Variants in MYO6 observed in about 807,000 individuals in gnomAD.
The protein encoded by MYO6 is myosin VI.
In MYO6, 74 loss-of-function variants were observed where a neutral mutation model predicts 178.7. The observed-to-expected ratio is 0.41, with a 90% CI of 0.34 to 0.50. MYO6 has a LOEUF of 0.50. Ranked by LOEUF, MYO6 falls within the 20% of genes least tolerant of loss-of-function variation. The pLI, the probability that MYO6 is intolerant of heterozygous loss-of-function variation, is 0.09. For synonymous variants in MYO6, 477 were observed against 504.6 expected, an observed-to-expected ratio of 0.95 and a Z score of 0.73; for missense variants, 1,330 against 1,547.4, an observed-to-expected ratio of 0.86 and a Z score of 2.36.
Position 75,828,620 on chromosome 6 carries a change from A to G in MYO6, c.261+7A>G, listed in dbSNP as rs1772736185. ...TAGTAAAGACAGAATTTATGTAAGT[A>G]TTTTACCTGTAGTGTAAGTTTTTGT... On this transcript the variant is annotated splice_region_variant and intron_variant, in intron 4 of 34. Coordinates refer to ENST00000369977, the MANE Select transcript of MYO6 (RefSeq NM_004999.4). 6.6e-7 allele frequency: 1 copy of G among 1,512,888 alleles called. No homozygotes were observed. Among genetic ancestry groups the G allele is most frequent in the South Asian group, 1.1e-5 (1 of 88,922 alleles). 93.7% of individuals were successfully genotyped at this position (1,512,888 alleles called of 1,614,324 possible). A position where few individuals can be genotyped will look rare whatever the true frequency, so the allele number is the denominator to read the frequency against.
intron 1 of MYO6, among the ~76,000 whole-genome samples, chr6:75,781,985 G>A (rs1335535422): frequency 6.6e-6 from 1 of 150,490 alleles, no homozygotes; most frequent in East Asian, 1.9e-4. Flanking sequence ...TAAACCACGT[G>A]TGGACAGATG....
At chr6:75,762,156 C>T (rs1314240883) in intron 1 of MYO6, among the ~76,000 whole-genome samples, 2 of 152,046 alleles carry the variant, frequency 1.3e-5, no homozygotes, top group Non-Finnish European at 2.9e-5. Context: ...AGGATGGTCT[C>T]GATATCCTGA....
intron 1 of MYO6, among the ~76,000 whole-genome samples, chr6:75,787,738 A>C (rs1377134866): frequency 4.5e-4 from 44 of 98,372 alleles, no homozygotes; most frequent in East Asian, 1.2e-3. Flanking sequence ...CTCTATATAT[A>C]TATATATATA....
intron 11 of MYO6, among the ~76,000 whole-genome samples, chr6:75,852,319 T>C (rs1194051879): frequency 6.6e-6 from 1 of 152,138 alleles, no homozygotes; most frequent in Non-Finnish European, 1.5e-5. Context: ...TCTCAAAGTA[T>C]CTCTCTTTTT....
chr6:75,873,373 C>A, intron 20 of MYO6, 73 bp downstream of exon 20: 2 of 1,103,424 alleles, frequency 1.8e-6, no homozygotes, highest in Non-Finnish European at 2.8e-6. Flanking sequence ...TCAGTATTTT[C>A]AAATAATTCA....
At chr6:75,770,110 CTCTTGCTTCGTCT>C (rs1334516527) in intron 1 of MYO6, among the ~76,000 whole-genome samples, 1 of 152,188 alleles carries the variant, frequency 6.6e-6, no homozygotes, top group African/African-American at 2.4e-5. Flanking sequence ...GTTAGGGCTT[CTCTTGCTTCGTCT>C]TCTTGCTTCT....
At chr6:75,857,017 T>A (rs3798439) in intron 12 of MYO6, 80 bp from the exon 13 acceptor site, 2 of 1,303,518 alleles carry the variant, frequency 1.5e-6, no homozygotes, top group South Asian at 2.4e-5. Flanking sequence ...CTTCTCTGTG[T>A]GTATGTTTAG....
At chr6:75,803,956 C>T (rs1583133512) in intron 1 of MYO6, among the ~76,000 whole-genome samples, 1 of 152,142 alleles carries the variant, frequency 6.6e-6, no homozygotes, top group Non-Finnish European at 1.5e-5. Context: ...TACAGTGGCA[C>T]GATCATGGCT....
In MYO6 at chr6:75,785,304, GA is replaced by G. The variant is rs1767422775; in HGVS notation, c.-47-32195del. Among the ~76,000 whole-genome samples the G allele has an allele frequency of 7.9e-5, 12 of 152,240 alleles. No individual in the cohort carries two copies. The South Asian group carries it at 2.5e-3, about 32-fold the overall frequency. ...CTCCTATTTAAAAAGAAAGTCATAAGAATAGCTGGAAATTATCCTGAAATGT... is the reference window on the plus strand; with the variant it reads ...CTCCTATTTAAAAAGAAAGTCATAAGATAGCTGGAAATTATCCTGAAATGT... On this transcript the variant is annotated intron_variant, in intron 1 of 34. Coordinates refer to ENST00000369977, the MANE Select transcript of MYO6 (RefSeq NM_004999.4).
chr6:75,885,124 A>G (rs936642153), intron 23 of MYO6, among the ~76,000 whole-genome samples: 4 of 152,236 alleles, frequency 2.6e-5, no homozygotes, highest in Non-Finnish European at 5.9e-5. Flanking sequence ...TAGAAGCAAG[A>G]TGGAGTTGGT....
At chr6:75,811,490 T>C (rs1770696533) in intron 1 of MYO6, among the ~76,000 whole-genome samples, 1 of 152,176 alleles carries the variant, frequency 6.6e-6, no homozygotes, top group Non-Finnish European at 1.5e-5. Flanking sequence ...GAAGGAGCAA[T>C]GTTAGCTGTG....
intron 30 of MYO6, among the ~76,000 whole-genome samples, chr6:75,905,683 G>A (rs1226688088): frequency 3.9e-5 from 6 of 152,222 alleles, no homozygotes; most frequent in East Asian, 1.9e-4. Flanking sequence ...CGTCTTCTGC[G>A]TCGCTCACGC....
intron 29 of MYO6, among the ~76,000 whole-genome samples, chr6:75,895,859 T>C (rs1315387690): frequency 1.3e-5 from 2 of 152,102 alleles, no homozygotes; most frequent in East Asian, 1.9e-4. Context: ...CTTACTTCTT[T>C]ATAGAAGCAG....
intron 1 of MYO6, among the ~76,000 whole-genome samples, chr6:75,797,207 AG>A (rs1411696069): frequency 1.3e-5 from 2 of 152,162 alleles, no homozygotes; most frequent in African/African-American, 2.4e-5. Context: ...CTCCTGCGTC[AG>A]CCTCCTGAGT....
At chr6:75,822,140 C>T (rs1771951277) in intron 2 of MYO6, among the ~76,000 whole-genome samples, 1 of 151,304 alleles carries the variant, frequency 6.6e-6, no homozygotes, top group Admixed American at 6.6e-5. Flanking sequence ...TCTTGTCTTC[C>T]AGGGTGGAGT....
rs1023380084 is a variant in MYO6, at chr6:75,805,440, T to C, written c.-47-12061T>C. On this transcript the variant is annotated intron_variant, in intron 1 of 34. Coordinates refer to ENST00000369977, the MANE Select transcript of MYO6 (RefSeq NM_004999.4). ...TACATAGATGTTATTGGAGTTATCATTGGAGATGCAGATAAAAGAGAATAT... is the reference window on the plus strand; with the variant it reads ...TACATAGATGTTATTGGAGTTATCACTGGAGATGCAGATAAAAGAGAATAT... Among the ~76,000 whole-genome samples the C allele has an allele frequency of 1.3e-4, 20 of 152,318 alleles. 1 individual carries two copies. Among genetic ancestry groups the C allele is most frequent in the Admixed American group, 2.6e-4 (4 of 15,298 alleles).
chr6:75,862,386 A>G (rs1240086565), intron 15 of MYO6, among the ~76,000 whole-genome samples: 1 of 152,226 alleles, frequency 6.6e-6, no homozygotes, highest in African/African-American at 2.4e-5. Flanking sequence ...TCTAAAACCT[A>G]TATTAAATAT....
At chr6:75,817,235 G>A (rs1277283754) in intron 1 of MYO6, among the ~76,000 whole-genome samples, 12 of 151,444 alleles carry the variant, frequency 7.9e-5, no homozygotes, top group Admixed American at 7.9e-4. Flanking sequence ...ATCCTGGGAG[G>A]CGGAGCTTGC....
rs528736907 is a variant in MYO6, at chr6:75,786,535, A to G, written c.-47-30966A>G. Among the ~76,000 whole-genome samples the G allele has an allele frequency of 6.6e-5, 10 of 152,292 alleles. 1 individual carries two copies. Among genetic ancestry groups the G allele is most frequent in the African/African-American group, 2.4e-4 (10 of 41,560 alleles). On this transcript the variant is annotated intron_variant, in intron 1 of 34. Transcript: ENST00000369977. ...CACCTAAGGTCATAGTGTGTTGCTT[A>G]CTTTATTTAGGTCTTTGTTAATTTA... is the stretch of plus-strand genomic sequence containing the variant.
Sources: allele counts gnomAD v4.1 joint callset (sites outside exome capture counted in the v4.1 genomes callset), GRCh38; gene constraint gnomAD v4.1.1; transcripts MANE v1.5; gene names NCBI Gene and HGNC (gene_info 2026-07-23, HGNC 2026-07-21).